The following TBCK variants were observed in gnomAD, a reference collection of about 807,000 sequenced individuals.
TBCK encodes the protein TBC domain-containing protein kinase-like protein.
In TBCK, 99 loss-of-function variants were observed where a neutral mutation model predicts 113.4. That is an observed-to-expected ratio of 0.87 (90% CI 0.74 to 1.03). The LOEUF is 1.03. TBCK is among the 50% of genes least tolerant of loss of function. The pLI, the probability that TBCK is intolerant of heterozygous loss-of-function variation, is 0.00. For missense variants in TBCK, 1,045 were observed against 1,061.3 expected (o/e 0.98, Z 0.21); for synonymous variants, 369 against 370.8 (o/e 1.00, Z 0.05).
intron 23 of TBCK, among the ~76,000 whole-genome samples, chr4:106,147,545 C>T (rs1206421534): frequency 6.6e-6 from 1 of 152,110 alleles, no homozygotes; most frequent in Non-Finnish European, 1.5e-5. Flanking sequence ...TTTCTTATGC[C>T]TGTCTTTACT....
chr4:106,110,133 C>T (rs1742674021), intron 24 of TBCK, among the ~76,000 whole-genome samples: 2 of 152,210 alleles, frequency 1.3e-5, no homozygotes, highest in Admixed American at 6.5e-5. Flanking sequence ...AAGCCTTTGT[C>T]ATTAAATCTG....
Position 106,313,783 on chromosome 4 carries a change from GAAGA to G in TBCK, c.-30+2144_-30+2147del, listed in dbSNP as rs1270335368. Reference sequence around the variant, plus strand: ...CATACAAAGAATGAGAAGATTCAGTGAAGAAAGCACATCCACCTACCTATTCCCC... The same window carrying G: ...CATACAAAGAATGAGAAGATTCAGTGAAGCACATCCACCTACCTATTCCCC... On this transcript the variant is annotated intron_variant, in intron 1 of 25. Transcript: ENST00000394708. Among the ~76,000 whole-genome samples the G allele has an allele frequency of 7.2e-5, 11 of 152,322 alleles. No homozygotes were observed. The East Asian group carries it at 1.9e-3, about 27-fold the overall frequency.
intron 22 of TBCK, among the ~76,000 whole-genome samples, chr4:106,188,491 A>G (rs925423022): frequency 9.9e-5 from 15 of 152,188 alleles, no homozygotes; most frequent in African/African-American, 3.6e-4. Flanking sequence ...AATATGCTTA[A>G]TAACACTGAT....
At chr4:106,086,079 A>T (rs1739469430) in intron 25 of TBCK, among the ~76,000 whole-genome samples, 1 of 152,132 alleles carries the variant, frequency 6.6e-6, no homozygotes. Flanking sequence ...CTAGCAGAAG[A>T]CAAGAAATAA....
rs371875558 is a variant in TBCK at position 106,308,954 on chromosome 4, G to T, written c.7C>A (p.Pro3Thr). ...GCTCCCATTTCAGCGTCCTTCAGGG[G>T]AAACATTTTTGGAGTCCTAGGTCTT... Reference protein sequence around the residue: MFPLKDAEMGAFT... With the variant: MFTLKDAEMGAFT... Residue 3 changes from proline to threonine, a missense_variant, in exon 2 of 26, where the codon CCC becomes ACC. Transcript: ENST00000394708. 1.2e-5 allele frequency: 20 copies of T among 1,613,470 alleles called. No homozygotes were observed. In the African/African-American group the frequency reaches 2.3e-4, roughly 18 times the overall value.
chr4:106,262,137 G>A lies in TBCK; in HGVS notation c.342C>T (p.His114=). Reference sequence around the variant, plus strand: ...GGATATTATGAGGAGACAATGCCCTGTGTACTATACCATGTTTGTTCATAT... The same window carrying A: ...GGATATTATGAGGAGACAATGCCCTATGTACTATACCATGTTTGTTCATAT... The part of the protein sequence containing the change: ...LQYMNKHGIV[H]RALSPHNILL... The change falls in exon 4 of 26, where the codon CAC becomes CAT. Residue 114 remains histidine (H), a synonymous_variant. Transcript: ENST00000394708. 2 of 1,546,992 alleles carry A rather than the reference G, an allele frequency of 1.3e-6. No homozygotes were observed. Among genetic ancestry groups the A allele is most frequent in the South Asian group, 2.4e-5 (2 of 83,576 alleles).
intron 3 of TBCK, among the ~76,000 whole-genome samples, chr4:106,289,158 A>G (rs1765416303): frequency 6.6e-6 from 1 of 152,174 alleles, no homozygotes; most frequent in African/African-American, 2.4e-5. Flanking sequence ...TGTTTCTGGG[A>G]ATATTCTAGT....
chr4:106,070,809 C>G lies in TBCK; in HGVS notation c.2572-24129G>C, dbSNP rs531204623. Among the ~76,000 whole-genome samples the G allele has an allele frequency of 3.3e-5, 5 of 152,226 alleles. No homozygotes were observed. In the East Asian group the frequency reaches 9.6e-4, roughly 29 times the overall value. ...TGGTTGGTAGGCTATTAATTATTGC[C>G]TCAATTTCAGAGCCTGTTATTGGTC... On this transcript the variant is annotated intron_variant, in intron 25 of 25. Transcript: ENST00000394708.
intron 13 of TBCK, 86 bp from the exon 14 acceptor site, chr4:106,236,605 G>T (rs1028140482): frequency 6.9e-5 from 85 of 1,223,930 alleles, no homozygotes; most frequent in Non-Finnish European, 8.9e-5. Flanking sequence ...TACCAACAGT[G>T]ATTTCAGAAA....
At chr4:106,304,420 T>C (rs1767285618) in intron 2 of TBCK, among the ~76,000 whole-genome samples, 1 of 152,178 alleles carries the variant, frequency 6.6e-6, no homozygotes, top group South Asian at 2.1e-4. Flanking sequence ...TCTCCATAGT[T>C]CATCTAGACA....
intron 25 of TBCK, among the ~76,000 whole-genome samples, chr4:106,055,614 T>A (rs1209435689): frequency 6.6e-6 from 1 of 151,374 alleles, no homozygotes; most frequent in Non-Finnish European, 1.5e-5. Flanking sequence ...GTCAAAATGG[T>A]CTTTTCCTTT....
chr4:106,228,744 T>C (rs1005915720), intron 19 of TBCK, among the ~76,000 whole-genome samples: 2 of 152,114 alleles, frequency 1.3e-5, no homozygotes, highest in Non-Finnish European at 2.9e-5. Flanking sequence ...ATTTCCTTTC[T>C]TTTGGGTATA....
At chr4:106,169,368 G>A (rs144532289) in intron 23 of TBCK, among the ~76,000 whole-genome samples, 1 of 152,008 alleles carries the variant, frequency 6.6e-6, no homozygotes, top group East Asian at 1.9e-4. Context: ...AAAAAGAATA[G>A]AGAGTTCAGA....
chr4:106,273,790 G>A (rs749080660), intron 3 of TBCK, among the ~76,000 whole-genome samples: 15 of 152,210 alleles, frequency 9.9e-5, no homozygotes, highest in Non-Finnish European at 1.2e-4. Flanking sequence ...CTCCAAAGGG[G>A]GTGTGACCCT....
intron 25 of TBCK, among the ~76,000 whole-genome samples, chr4:106,049,996 A>G (rs773736650): frequency 3.3e-5 from 5 of 152,044 alleles, no homozygotes; most frequent in Non-Finnish European, 5.9e-5. Context: ...CTCAAACTGC[A>G]ATTCCTATAC....
rs762348643 is a variant in TBCK at position 106,046,440 on chromosome 4, T to G, written c.*130A>C. 1 of 563,268 alleles carries G rather than the reference T, an allele frequency of 1.8e-6. No individual in the cohort carries two copies. Among genetic ancestry groups the G allele is most frequent in the Non-Finnish European group, 3.2e-6 (1 of 314,512 alleles). 34.9% of individuals were successfully genotyped at this position (563,268 alleles called of 1,614,324 possible). A position where few individuals can be genotyped will look rare whatever the true frequency, so the allele number is the denominator to read the frequency against. ...GTGGGTTATGAGATTTTAAAAAATG[T>G]CTCGTGACAAACTTTACGGAAATGC... is the stretch of plus-strand genomic sequence containing the variant. On this transcript the variant is annotated 3_prime_UTR_variant, in exon 26 of 26. Coordinates refer to ENST00000394708, the MANE Select transcript of TBCK (RefSeq NM_001163435.3).
At chr4:106,311,360 T>C (rs1186768351) in intron 1 of TBCK, among the ~76,000 whole-genome samples, 1 of 152,094 alleles carries the variant, frequency 6.6e-6, no homozygotes, top group Non-Finnish European at 1.5e-5. Context: ...TTGTGCTTTA[T>C]TCACCTGTAT....
Position 106,235,356 on chromosome 4 carries a change from A to T in TBCK, c.1362T>A (p.Tyr454Ter). 1.9e-6 allele frequency: 3 copies of T among 1,604,886 alleles called. No homozygotes were observed. The highest frequency in any genetic ancestry group is 2.6e-6 in the Non-Finnish European group (3 of 1,174,602). The change falls in exon 15 of 26, where the codon TAT becomes TAA. Residue 454 changes from tyrosine to a stop codon, truncating the protein, a stop_gained. Transcript: ENST00000394708. LOFTEE classifies it high-confidence loss of function. ...LFDRLLKAYPYKKNQIWKEAR... is the reference protein window; with the variant it reads ...LFDRLLKAYP ...CTTCTTTCCAGATTTGGTTTTTTTT[A>T]TATGGATAAGCCTATGATATCAAAA...
chr4:106,229,843 A>G (rs1030465066), intron 19 of TBCK, among the ~76,000 whole-genome samples: 10 of 151,926 alleles, frequency 6.6e-5, no homozygotes, highest in Non-Finnish European at 1.0e-4. Flanking sequence ...ACAAGTTTGA[A>G]TGTGGCTAAA....
Sources: gnomAD v4.1 joint callset for allele counts (sites outside exome capture counted in the v4.1 genomes callset) on GRCh38, gnomAD v4.1.1 for gene constraint, MANE v1.5 for transcripts, NCBI Gene and HGNC (gene_info 2026-07-23, HGNC 2026-07-21) for gene names.